FDFT1: variants seen among roughly 807,000 people sequenced by gnomAD.
FDFT1 encodes the protein squalene synthase.
FDFT1 carries 68 observed loss-of-function variants against 46.8 expected under a neutral mutation model. That is an observed-to-expected ratio of 1.45 (90% CI 1.19 to 1.78). FDFT1 has a LOEUF of 1.78. Ranked by LOEUF, FDFT1 falls within the 40% of genes most tolerant of loss-of-function variation. The pLI is 0.00. For synonymous variants in FDFT1, 351 were observed against 185.1 expected, an observed-to-expected ratio of 1.90 and a Z score of -7.28; for missense variants, 928 against 524.4, an observed-to-expected ratio of 1.77 and a Z score of -7.52.
At chr8:11,796,798 C>T (rs1385915047) in intron 1 of FDFT1, among the ~76,000 whole-genome samples, 1 of 152,182 alleles carries the variant, frequency 6.6e-6, no homozygotes, top group African/African-American at 2.4e-5. Context: ...TGGGCCTTAG[C>T]CCATGAGGGT....
intron 7 of FDFT1, among the ~76,000 whole-genome samples, chr8:11,836,360 G>A (rs929292026): frequency 6.6e-6 from 1 of 152,200 alleles, no homozygotes; most frequent in Admixed American, 6.5e-5. Context: ...TCCAAGTAGG[G>A]CTGGACCTTG....
At chr8:11,811,664 T>A (rs964836805) in intron 3 of FDFT1, among the ~76,000 whole-genome samples, 1 of 152,248 alleles carries the variant, frequency 6.6e-6, no homozygotes, top group Non-Finnish European at 1.5e-5. Flanking sequence ...CTCATCGTTT[T>A]CTTTTTTGGG....
At position 11,838,048 on chromosome 8, in the gene FDFT1, C is replaced by G. The variant is rs566492308; in HGVS notation, c.1033-340C>G. Among the ~76,000 whole-genome samples, 6 of 152,312 alleles carry G rather than the reference C, an allele frequency of 3.9e-5. No homozygotes were observed. The South Asian group carries it at 1.2e-3, about 32-fold the overall frequency. On this transcript the variant is annotated intron_variant, in intron 7 of 7. Coordinates refer to ENST00000220584, the MANE Select transcript of FDFT1 (RefSeq NM_004462.5). ...TTTCGTCATGTTAGTCTGTGCCTGT[C>G]TACGTGAACTATGGTGACGTTTATT...
At chr8:11,799,673 A>C (rs2645436), upstream of FDFT1, among the ~76,000 whole-genome samples, 148,861 of 152,360 alleles carry the variant, frequency 0.98, 72,797 homozygotes, top group East Asian at 1. Context: ...GTAGGCTGGG[A>C]GCCGTGGCTC....
chr8:11,829,859 TG>T (rs1410640499), intron 5 of FDFT1, among the ~76,000 whole-genome samples: 1 of 152,204 alleles, frequency 6.6e-6, no homozygotes, highest in African/African-American at 2.4e-5. Flanking sequence ...GTTTTGTTTT[TG>T]TTTTTGTGAC....
chr8:11,800,855 ACT>A (rs1806046147), upstream of FDFT1, among the ~76,000 whole-genome samples: 1 of 152,168 alleles, frequency 6.6e-6, no homozygotes, highest in Non-Finnish European at 1.5e-5. Context: ...ATGGCTGGAA[ACT>A]AAGTTTTTAA....
intron 2 of FDFT1, 65 bp downstream of exon 2, chr8:11,808,956 G>T (rs1807312529): frequency 6.4e-7 from 1 of 1,572,354 alleles, no homozygotes; most frequent in East Asian, 2.3e-5. Context: ...GAGTGTGTTG[G>T]AAGCTACCTT....
chr8:11,814,252 A>G (rs1042478864), intron 3 of FDFT1, among the ~76,000 whole-genome samples: 1 of 152,170 alleles, frequency 6.6e-6, no homozygotes, highest in East Asian at 1.9e-4. Context: ...CTGTTGTGCA[A>G]AGAAAAACTT....
intron 3 of FDFT1, among the ~76,000 whole-genome samples, chr8:11,816,882 T>C (rs1159495090): frequency 6.6e-6 from 1 of 152,080 alleles, no homozygotes; most frequent in Non-Finnish European, 1.5e-5. Context: ...CTGATTATCC[T>C]GGCCAGAACT....
chr8:11,828,865 T>G (rs551697342), intron 5 of FDFT1, among the ~76,000 whole-genome samples: 1 of 152,366 alleles, frequency 6.6e-6, no homozygotes, highest in South Asian at 2.1e-4. Context: ...TCGCCTAGTA[T>G]TATTCCACTG....
chr8:11,832,206 T>TAA (rs1445093407), intron 7 of FDFT1, among the ~76,000 whole-genome samples: 1 of 151,988 alleles, frequency 6.6e-6, no homozygotes, highest in Non-Finnish European at 1.5e-5. Flanking sequence ...AACCATCCTA[T>TAA]AAAAAGAAAA....
intron 5 of FDFT1, among the ~76,000 whole-genome samples, chr8:11,827,377 G>C (rs1810144585): frequency 1.3e-5 from 2 of 152,034 alleles, no homozygotes. Context: ...GATTAACTGG[G>C]CATGTTGGCA....
At chr8:11,817,339 T>A (rs551092324) in intron 3 of FDFT1, among the ~76,000 whole-genome samples, 1 of 152,224 alleles carries the variant, frequency 6.6e-6, no homozygotes. Context: ...TCTTTTTTTA[T>A]TGTTTGTCTG....
chr8:11,820,756 C>G (rs535565359), intron 3 of FDFT1, among the ~76,000 whole-genome samples: 3 of 152,198 alleles, frequency 2.0e-5, no homozygotes, highest in African/African-American at 7.2e-5. Context: ...TATACTGTTC[C>G]TCCAGGTACA....
intron 1 of FDFT1, among the ~76,000 whole-genome samples, chr8:11,807,274 C>T (rs1196880353): frequency 1.3e-5 from 2 of 152,224 alleles, no homozygotes; most frequent in East Asian, 1.9e-4. Flanking sequence ...AGTAGCTAGT[C>T]TTCAGTAGCT....
At position 11,830,416 on chromosome 8, in the gene FDFT1, C is replaced by T. The variant is rs1810617378; in HGVS notation, c.875C>T (p.Pro292Leu). Residue 292 changes from proline to leucine, a missense_variant, in exon 6 of 8, where the codon CCA (proline) becomes CTA (leucine). Coordinates refer to ENST00000220584, the MANE Select transcript of FDFT1 (RefSeq NM_004462.5). ...AGTGTGTTTAACTTCTGTGCTATTC[C>T]ACAGGTAGGGAAGGGGGCTCCTCTG... Reference protein sequence around the residue: ...NQSVFNFCAIPQVMAIATLAA... With the variant: ...NQSVFNFCAILQVMAIATLAA... 6.2e-7 allele frequency: 1 copy of T among 1,612,284 alleles called. No homozygotes were observed. Among genetic ancestry groups the T allele is most frequent in the Non-Finnish European group, 8.5e-7 (1 of 1,178,868 alleles).
At chr8:11,801,695 G>GT (rs34528992), upstream of FDFT1, 7,849 of 240,826 alleles carry the variant, frequency 0.033, 76 homozygotes, top group African/African-American at 0.064. Flanking sequence ...TAGCCAGTAG[G>GT]TTTTTTTTTT....
upstream of FDFT1, among the ~76,000 whole-genome samples, chr8:11,797,669 CA>C (rs1176762258): frequency 6.5e-5 from 7 of 108,264 alleles, no homozygotes; most frequent in South Asian, 2.2e-3. Flanking sequence ...AAGAAACAAA[CA>C]AAAAAAACGG....
upstream of FDFT1, among the ~76,000 whole-genome samples, chr8:11,800,457 C>G (rs954233986): frequency 2.0e-5 from 3 of 151,968 alleles, no homozygotes; most frequent in African/African-American, 7.3e-5. Context: ...TTGGCTGGAA[C>G]GGTGCCTCAC....
Sources: gnomAD v4.1 joint callset for allele counts (sites outside exome capture counted in the v4.1 genomes callset) on GRCh38, gnomAD v4.1.1 for gene constraint, MANE v1.5 for transcripts, NCBI Gene and HGNC (gene_info 2026-07-23, HGNC 2026-07-21) for gene names.